PRR16: variants seen among roughly 807,000 people sequenced by gnomAD.
The protein encoded by PRR16 is protein Largen.
Under a neutral mutation model 18.2 loss-of-function variants are expected in PRR16, and 6 were observed. The ratio of observed to expected loss-of-function variants is 0.33; its 90% CI spans 0.18 to 0.65. The LOEUF is 0.65. PRR16 is among the 30% of genes least tolerant of loss of function. PRR16 has a pLI of 0.74. For missense variants in PRR16, 412 were observed against 376.6 expected (o/e 1.09, Z -0.78); for synonymous variants, 151 against 147.8 (o/e 1.02, Z -0.16).
At chr5:120,765,267 G>T in the PRR16 span, among the ~76,000 whole-genome samples, 1 of 152,024 alleles carries the variant, frequency 6.6e-6, no homozygotes, top group Non-Finnish European at 1.5e-5. Flanking sequence ...TTTAAAGAGA[G>T]ACAGTGTAAC....
chr5:120,753,094 TAGC>T, the PRR16 span, among the ~76,000 whole-genome samples: 2 of 151,990 alleles, frequency 1.3e-5, no homozygotes, highest in Non-Finnish European at 2.9e-5. Flanking sequence ...GCAGAGGAGT[TAGC>T]AGAGCAATGA....
the PRR16 span, among the ~76,000 whole-genome samples, chr5:120,720,547 T>G: frequency 1.7e-4 from 26 of 152,126 alleles, 1 homozygote; most frequent in Admixed American, 1.3e-3. Flanking sequence ...TCTGCCAATT[T>G]TTTTCTGGCT....
chr5:120,645,629 A>G (rs1459664460), intron 1 of PRR16, among the ~76,000 whole-genome samples: 2 of 152,018 alleles, frequency 1.3e-5, no homozygotes, highest in Non-Finnish European at 2.9e-5. Flanking sequence ...AAAAAAAGAA[A>G]ATGTTTGAAG....
chr5:120,664,345 C>T (rs1210342960), intron 1 of PRR16, among the ~76,000 whole-genome samples: 2 of 151,626 alleles, frequency 1.3e-5, no homozygotes, highest in Non-Finnish European at 2.9e-5. Context: ...ATCCTTATCT[C>T]GTGCTGCAAT....
chr5:120,647,445 T>G (rs1490285980), intron 1 of PRR16, among the ~76,000 whole-genome samples: 5 of 151,984 alleles, frequency 3.3e-5, no homozygotes, highest in Non-Finnish European at 5.9e-5. Flanking sequence ...GCGACAAATA[T>G]CAGTCTCTAC....
At chr5:120,538,550 G>A (rs1053340214) in intron 1 of PRR16, among the ~76,000 whole-genome samples, 31 of 152,310 alleles carry the variant, frequency 2.0e-4, no homozygotes, top group African/African-American at 7.5e-4. Context: ...CACTTTTAGT[G>A]GCGATATAGG....
At chr5:120,685,683 G>A (rs1757096250) in intron 1 of PRR16, among the ~76,000 whole-genome samples, 1 of 151,946 alleles carries the variant, frequency 6.6e-6, no homozygotes, top group Admixed American at 6.6e-5. Flanking sequence ...ATATTTTATG[G>A]GTGGGTATAT....
At chr5:120,579,599 C>G (rs1301545260) in intron 1 of PRR16, among the ~76,000 whole-genome samples, 1 of 152,132 alleles carries the variant, frequency 6.6e-6, no homozygotes, top group East Asian at 1.9e-4. Context: ...CTGTTCTGCT[C>G]TATTGGTCTA....
the PRR16 span, among the ~76,000 whole-genome samples, chr5:120,778,570 A>AGCTTCAGGGACCTTAACAG: frequency 6.6e-6 from 1 of 151,964 alleles, no homozygotes; most frequent in Non-Finnish European, 1.5e-5. Context: ...CCCAAGTCCA[A>AGCTTCAGGGACCTTAACAG]TAGCTTCAGG....
chr5:120,615,816 G>A (rs757791583), intron 1 of PRR16, among the ~76,000 whole-genome samples: 5 of 152,072 alleles, frequency 3.3e-5, no homozygotes, highest in South Asian at 2.1e-4. Flanking sequence ...AATTCTGGGC[G>A]TTTTATTCAT....
chr5:120,689,940 A>G (rs1561618912), downstream of PRR16, among the ~76,000 whole-genome samples: 1 of 152,182 alleles, frequency 6.6e-6, no homozygotes, highest in Non-Finnish European at 1.5e-5. Flanking sequence ...ATCTAAAAAT[A>G]TGTTCACAAA....
chr5:120,652,177 T>C (rs1214919478), intron 1 of PRR16, among the ~76,000 whole-genome samples: 1 of 152,138 alleles, frequency 6.6e-6, no homozygotes, highest in Non-Finnish European at 1.5e-5. Context: ...AAGTCAACTG[T>C]TTTGATCATC....
At chr5:120,551,103 A>G (rs907879610) in intron 1 of PRR16, among the ~76,000 whole-genome samples, 1 of 151,998 alleles carries the variant, frequency 6.6e-6, no homozygotes, top group Non-Finnish European at 1.5e-5. Flanking sequence ...ATACGTTATT[A>G]TCTGTAACTA....
At chr5:120,713,485 C>T in the PRR16 span, among the ~76,000 whole-genome samples, 4 of 151,952 alleles carry the variant, frequency 2.6e-5, no homozygotes, top group African/African-American at 7.3e-5. Flanking sequence ...CTTTATAGTT[C>T]TCCATTTTAA....
rs143938333 is a variant in PRR16, at chr5:120,504,579, C to T, written c.159+39934C>T. Among the ~76,000 whole-genome samples, 141 of 152,136 alleles carry T rather than the reference C, an allele frequency of 9.3e-4. 1 individual carries two copies. The highest frequency in any genetic ancestry group is 3.0e-3 in the African/African-American group (124 of 41,506). On this transcript the variant is annotated intron_variant, in intron 1 of 1. Transcript: ENST00000407149. ...AAAAAGAGCAGTGAGTCGCCCTTCA[C>T]GGGGTTGACATGGGCGGTGATCATT... is the stretch of plus-strand genomic sequence containing the variant.
chr5:120,557,704 A>T (rs1407670393), intron 1 of PRR16, among the ~76,000 whole-genome samples: 1 of 151,890 alleles, frequency 6.6e-6, no homozygotes, highest in Admixed American at 6.6e-5. Flanking sequence ...TTAACTATGG[A>T]TTTTAATATA....
At chr5:120,466,127 G>A (rs551832164) in intron 1 of PRR16, among the ~76,000 whole-genome samples, 1 of 152,264 alleles carries the variant, frequency 6.6e-6, no homozygotes, top group African/African-American at 2.4e-5. Context: ...TAGATTCAGG[G>A]ATAAAACTTG....
chr5:120,697,749 C>G, the PRR16 span, among the ~76,000 whole-genome samples: 4 of 151,344 alleles, frequency 2.6e-5, no homozygotes, highest in South Asian at 2.1e-4. Flanking sequence ...GAGTGGGGGT[C>G]GCAAGGTGCT....
At chr5:120,717,552 T>G in the PRR16 span, among the ~76,000 whole-genome samples, 1 of 152,332 alleles carries the variant, frequency 6.6e-6, no homozygotes. Context: ...ACTTATCCAC[T>G]GGCTGAAAAC....
Sources: allele counts gnomAD v4.1 joint callset (sites outside exome capture counted in the v4.1 genomes callset), GRCh38; gene constraint gnomAD v4.1.1; transcripts MANE v1.5; gene names NCBI Gene and HGNC (gene_info 2026-07-23, HGNC 2026-07-21).